The following RPRD2 variants were observed in gnomAD, a reference collection of about 807,000 sequenced individuals.
The protein encoded by RPRD2 is regulation of nuclear pre-mRNA domain-containing protein 2.
A neutral mutation model predicts 104.4 loss-of-function variants in RPRD2; 12 were observed. The observed-to-expected ratio is 0.11, with a 90% CI of 0.07 to 0.19. RPRD2 has a LOEUF of 0.19. Ranked by LOEUF, RPRD2 falls within the 10% of genes least tolerant of loss-of-function variation. The pLI is 1.00. For synonymous variants in RPRD2, 714 were observed against 684.9 expected, an observed-to-expected ratio of 1.04 and a Z score of -0.66; for missense variants, 1,543 against 1,790.1, an observed-to-expected ratio of 0.86 and a Z score of 2.49.
chr1:150,469,448 T>A (rs1405828830), intron 10 of RPRD2, among the ~76,000 whole-genome samples: 2 of 152,030 alleles, frequency 1.3e-5, no homozygotes, highest in Non-Finnish European at 2.9e-5. Context: ...AGCTGATTTT[T>A]AAATTTTTTT....
intron 1 of RPRD2, among the ~76,000 whole-genome samples, chr1:150,396,582 A>T (rs1572391117): frequency 6.6e-6 from 1 of 152,192 alleles, no homozygotes; most frequent in Non-Finnish European, 1.5e-5. Context: ...GTGGCTTGCC[A>T]ATTATCCCAG....
At chr1:150,440,773 T>G in intron 2 of RPRD2, 150 bp from the exon 3 acceptor site, 1 of 569,662 alleles carries the variant, frequency 1.8e-6, no homozygotes, top group Non-Finnish European at 3.1e-6. Context: ...TAAGATTTCT[T>G]TAGTCCTGGA....
intron 1 of RPRD2, among the ~76,000 whole-genome samples, chr1:150,406,708 C>T (rs1055571517): frequency 1.3e-5 from 2 of 152,012 alleles, no homozygotes; most frequent in African/African-American, 4.8e-5. Flanking sequence ...CAAGTACTTA[C>T]AAGTAAATTC....
chr1:150,377,903 C>T (rs903128194), intron 1 of RPRD2, among the ~76,000 whole-genome samples: 2 of 151,952 alleles, frequency 1.3e-5, no homozygotes, highest in African/African-American at 2.4e-5. Flanking sequence ...AATTGAGTCT[C>T]AGAGAAGTAA....
chr1:150,423,096 TA>T (rs1454551640), intron 2 of RPRD2, among the ~76,000 whole-genome samples: 1 of 152,232 alleles, frequency 6.6e-6, no homozygotes, highest in African/African-American at 2.4e-5. Flanking sequence ...AAATGAAAGT[TA>T]AACCAACCTG....
chr1:150,394,169 G>C (rs1385791411), intron 1 of RPRD2, among the ~76,000 whole-genome samples: 1 of 151,594 alleles, frequency 6.6e-6, no homozygotes, highest in Non-Finnish European at 1.5e-5. Flanking sequence ...TCCTGACTCA[G>C]CCTCCTTAGT....
intron 7 of RPRD2, among the ~76,000 whole-genome samples, chr1:150,455,216 A>G (rs587754903): frequency 9.2e-5 from 14 of 152,258 alleles, no homozygotes; most frequent in Admixed American, 2.0e-4. Context: ...AACCAGTGAA[A>G]GTCCAGGCCG....
At chr1:150,435,834 C>T (rs587601869) in intron 2 of RPRD2, among the ~76,000 whole-genome samples, 1 of 152,326 alleles carries the variant, frequency 6.6e-6, no homozygotes, top group African/African-American at 2.4e-5. Context: ...GTAGATGAAA[C>T]AGCCTTCTGT....
At chr1:150,450,072 T>A (rs73019021) in intron 7 of RPRD2, among the ~76,000 whole-genome samples, 7,275 of 152,256 alleles carry the variant, frequency 0.048, 438 homozygotes, top group African/African-American at 0.13. Flanking sequence ...TGTTCTTAGT[T>A]GGTTTACTTT....
Position 150,471,609 on chromosome 1 carries a change from T to C in RPRD2, c.2661T>C (p.Ser887=). The C allele has an allele frequency of 6.2e-7, 1 of 1,613,822 alleles. No homozygotes were observed. The highest frequency in any genetic ancestry group is 1.1e-5 in the South Asian group (1 of 91,058). Residue 887 remains serine, a synonymous_variant, in exon 11 of 11, where the codon TCT becomes TCC. Coordinates refer to ENST00000369068, the MANE Select transcript of RPRD2 (RefSeq NM_015203.5). The surrounding 1 kb of genome is among the most constrained non-coding windows in gnomAD (Gnocchi z 5.3). Reference sequence around the variant, plus strand: ...GAGCCCAAGAATTTGGGGTAAAGTCTGCCTTCCCTCCATCTGTAAGGGCCC... The same window carrying C: ...GAGCCCAAGAATTTGGGGTAAAGTCCGCCTTCCCTCCATCTGTAAGGGCCC... ...SHRAQEFGVK[S]AFPPSVRALL... is the part of the protein sequence containing the mutation.
At chr1:150,439,414 C>T (rs201725322) in intron 2 of RPRD2, among the ~76,000 whole-genome samples, 5 of 32,114 alleles carry the variant, frequency 1.6e-4, no homozygotes, top group East Asian at 6.7e-4. Context: ...GCTGAGGCTG[C>T]GGCTGCAGTG....
chr1:150,420,289 T>C (rs1193268935), intron 2 of RPRD2, among the ~76,000 whole-genome samples: 4 of 152,172 alleles, frequency 2.6e-5, no homozygotes, highest in Non-Finnish European at 5.9e-5. Context: ...AAACAACTAC[T>C]TTGTGTGTTA....
Position 150,457,695 on chromosome 1 carries a change from A to G in RPRD2, c.1153+125A>G, listed in dbSNP as rs984286098. The G allele has an allele frequency of 3.4e-5, 28 of 825,792 alleles. No individual in the cohort carries two copies. The African/African-American group carries it at 3.9e-4, about 11-fold the overall frequency. 51.2% of individuals were successfully genotyped at this position (825,792 alleles called of 1,614,324 possible). The stretch of plus-strand genomic sequence containing the variant: ...TTAAAAGATAGAACACCAAGGTAGC[A>G]TTATAATCTCTAGAGCAGTTGTTGA... On this transcript the variant is annotated intron_variant, in intron 8 of 10. Transcript: ENST00000369068.
chr1:150,422,665 A>AT (rs1272793473), intron 2 of RPRD2, among the ~76,000 whole-genome samples: 1 of 152,184 alleles, frequency 6.6e-6, no homozygotes, highest in Non-Finnish European at 1.5e-5. Flanking sequence ...AGAAATGTGG[A>AT]TTTTTATATG....
chr1:150,387,566 C>CTTTTTTTTTTTTTTTTTTTTTTTTTTT lies in RPRD2; in HGVS notation c.205+22647_205+22648insTTTTTTTTTTTTTTTTTTTTTTTTTTT, dbSNP rs1661661325. ...TAAATCTTACAGAAGTTGCAACAGA[C>CTTTTTTTTTTTTTTTTTTTTTTTTTTT]CTTTTTTTTTTTTTTTTTTTTTTTT... is the stretch of plus-strand genomic sequence containing the variant. On this transcript the variant is annotated intron_variant, in intron 1 of 10. Coordinates refer to ENST00000369068, the MANE Select transcript of RPRD2 (RefSeq NM_015203.5). Among the ~76,000 whole-genome samples the CTTTTTTTTTTTTTTTTTTTTTTTTTTT allele has an allele frequency of 2.9e-5, 2 of 70,116 alleles. 1 individual carries two copies. The allele number at this position is 70,116 out of a possible 152,430, so 46.0% of individuals were successfully genotyped here. A position where few individuals can be genotyped will look rare whatever the true frequency, so the allele number is the denominator to read the frequency against.
chr1:150,384,616 G>A (rs953826672), intron 1 of RPRD2, among the ~76,000 whole-genome samples: 8 of 150,350 alleles, frequency 5.3e-5, no homozygotes, highest in East Asian at 2.0e-4. Flanking sequence ...GATTACAGGC[G>A]CCTGCCACCA....
chr1:150,471,289 G>A lies in RPRD2; in HGVS notation c.2341G>A (p.Glu781Lys). The A allele has an allele frequency of 6.2e-7, 1 of 1,613,782 alleles. No individual in the cohort carries two copies. The change falls in exon 11 of 11, where the codon GAG (glutamate) becomes AAG (lysine). Residue 781 changes from glutamate (E) to lysine (K), a missense_variant. Glu to Lys is a moderately conservative substitution (Grantham distance 56). Transcript: ENST00000369068. The surrounding 1 kb of genome is among the most constrained non-coding windows in gnomAD (Gnocchi z 5.3). ...PPGRDESYPRELSNSVSTYRP... is the reference protein window; with the variant it reads ...PPGRDESYPRKLSNSVSTYRP... ...TGGGAGAGATGAAAGCTACCCCCGA[G>A]AGCTCTCCAATTCTGTATCTACATA...
intron 1 of RPRD2, among the ~76,000 whole-genome samples, chr1:150,405,026 C>T (rs76904268): frequency 0.025 from 3,848 of 152,202 alleles, 160 homozygotes; most frequent in African/African-American, 0.087. Context: ...CAATATTTCA[C>T]GGATTTTGTC....
intron 2 of RPRD2, among the ~76,000 whole-genome samples, chr1:150,431,473 A>ATTTTTTTTGTTTTTTTTTT (rs1665570694): frequency 1.3e-5 from 1 of 78,850 alleles, no homozygotes; most frequent in South Asian, 6.2e-4. Flanking sequence ...AAAAGGAAGG[A>ATTTTTTTTGTTTTTTTTTT]TTTTTTTTTT....
Sources: allele counts gnomAD v4.1 joint callset (sites outside exome capture counted in the v4.1 genomes callset), GRCh38; gene constraint gnomAD v4.1.1; non-coding constraint Gnocchi (gnomAD v3.1); transcripts MANE v1.5; gene names NCBI Gene and HGNC (gene_info 2026-07-23, HGNC 2026-07-21).